The following KCNAB1 variants were observed in gnomAD, a reference collection of about 807,000 sequenced individuals.
The protein encoded by KCNAB1 is voltage-gated potassium channel subunit beta-1.
A neutral mutation model predicts 64.6 loss-of-function variants in KCNAB1; 35 were observed. The observed-to-expected ratio is 0.54, with a 90% CI of 0.41 to 0.72. The LOEUF (loss-of-function observed/expected upper bound fraction) is 0.72, where lower values mean the gene tolerates loss of function less well. KCNAB1 is among the 30% of genes least tolerant of loss of function. The pLI, the probability that KCNAB1 is intolerant of heterozygous loss-of-function variation, is 0.00. For synonymous variants in KCNAB1, 177 were observed against 183.8 expected (o/e 0.96, Z 0.30); for missense variants, 401 against 512.9 (o/e 0.78, Z 2.11).
At chr3:156,378,996 T>G (rs1310550162) in intron 1 of KCNAB1, among the ~76,000 whole-genome samples, 1 of 152,152 alleles carries the variant, frequency 6.6e-6, no homozygotes, top group African/African-American at 2.4e-5. Context: ...CCCAGAGCTG[T>G]GGGGGCTCTT....
At chr3:156,385,442 GAAAA>G (rs58847115) in intron 1 of KCNAB1, among the ~76,000 whole-genome samples, 2 of 134,788 alleles carry the variant, frequency 1.5e-5, no homozygotes, top group Non-Finnish European at 3.3e-5. Flanking sequence ...TTGGATGGAA[GAAAA>G]AAAAAAAAGC....
intron 11 of KCNAB1, among the ~76,000 whole-genome samples, chr3:156,518,251 G>C (rs887070117): frequency 6.6e-6 from 1 of 152,206 alleles, no homozygotes; most frequent in Non-Finnish European, 1.5e-5. Flanking sequence ...GCTCTCAACA[G>C]ATGAAAGGTG....
chr3:156,278,445 T>A (rs1176544933), intron 1 of KCNAB1, among the ~76,000 whole-genome samples: 1 of 152,134 alleles, frequency 6.6e-6, no homozygotes. Context: ...ACGAAGTCTA[T>A]TTTTTCCCCC....
At chr3:156,309,764 G>A (rs930888967) in intron 1 of KCNAB1, among the ~76,000 whole-genome samples, 5 of 152,212 alleles carry the variant, frequency 3.3e-5, no homozygotes, top group African/African-American at 7.2e-5. Flanking sequence ...GGCAGTCCTT[G>A]GTCCTGCTGC....
At chr3:156,232,636 A>G (rs1272807268) in intron 1 of KCNAB1, among the ~76,000 whole-genome samples, 7 of 152,268 alleles carry the variant, frequency 4.6e-5, no homozygotes, top group Admixed American at 2.6e-4. Context: ...GTGGATGTCC[A>G]CAAGGCAGAA....
At chr3:156,182,540 C>G (rs1336793660) in intron 1 of KCNAB1, among the ~76,000 whole-genome samples, 7 of 152,024 alleles carry the variant, frequency 4.6e-5, no homozygotes, top group Admixed American at 4.6e-4. Flanking sequence ...CTTCTTCACC[C>G]TTATTTTCCA....
At chr3:156,292,012 A>C (rs1374984655) in intron 1 of KCNAB1, 1 of 1,614,130 alleles carries the variant, frequency 6.2e-7, no homozygotes, top group Non-Finnish European at 8.5e-7. Flanking sequence ...TGGTGAACGC[A>C]GCCCGGGCCA....
chr3:156,377,935 A>G (rs571191029), intron 1 of KCNAB1, among the ~76,000 whole-genome samples: 1 of 152,288 alleles, frequency 6.6e-6, no homozygotes, highest in South Asian at 2.1e-4. Context: ...ATAGTGTCAC[A>G]TGCAGAGAGA....
intron 2 of KCNAB1, among the ~76,000 whole-genome samples, chr3:156,424,306 T>A (rs116827800): frequency 0.013 from 2,024 of 152,276 alleles, 20 homozygotes; most frequent in South Asian, 0.033. Flanking sequence ...GAAGGGGTAT[T>A]TCAAAGATAC....
chr3:156,370,871 G>A (rs1726258504), intron 1 of KCNAB1, among the ~76,000 whole-genome samples: 1 of 152,200 alleles, frequency 6.6e-6, no homozygotes, highest in South Asian at 2.1e-4. Context: ...ACATGGAAAC[G>A]ATCCAGTGGC....
chr3:156,146,303 C>G (rs1229261446), intron 1 of KCNAB1, among the ~76,000 whole-genome samples: 1 of 152,086 alleles, frequency 6.6e-6, no homozygotes, highest in Non-Finnish European at 1.5e-5. Context: ...TTCATTTTAT[C>G]AGTGACTATA....
intron 1 of KCNAB1, among the ~76,000 whole-genome samples, chr3:156,292,653 T>G (rs553234979): frequency 1.9e-4 from 29 of 152,316 alleles, no homozygotes; most frequent in African/African-American, 6.7e-4. Flanking sequence ...GCGATTCTCC[T>G]GCCTTAACCT....
At chr3:156,302,314 G>A (rs995062774) in intron 1 of KCNAB1, among the ~76,000 whole-genome samples, 1 of 152,062 alleles carries the variant, frequency 6.6e-6, no homozygotes, top group Admixed American at 6.6e-5. Context: ...TTTTACCATA[G>A]AAGGTAATAT....
chr3:156,345,922 A>G (rs1724452853), intron 1 of KCNAB1, among the ~76,000 whole-genome samples: 1 of 152,188 alleles, frequency 6.6e-6, no homozygotes, highest in African/African-American at 2.4e-5. Context: ...CTGAATTGAA[A>G]TAAATACAAT....
At chr3:156,362,855 G>A (rs1410678576) in intron 1 of KCNAB1, among the ~76,000 whole-genome samples, 2 of 152,102 alleles carry the variant, frequency 1.3e-5, no homozygotes, top group Non-Finnish European at 2.9e-5. Flanking sequence ...TCTTCTATTG[G>A]TAAATTCATT....
chr3:156,234,005 T>A (rs1716699753), intron 1 of KCNAB1, among the ~76,000 whole-genome samples: 2 of 151,898 alleles, frequency 1.3e-5, no homozygotes, highest in African/African-American at 4.8e-5. Context: ...TTCTAGAGTT[T>A]ACGAGAGACA....
chr3:156,507,911 T>C (rs1206965436), intron 8 of KCNAB1, among the ~76,000 whole-genome samples: 2 of 152,198 alleles, frequency 1.3e-5, no homozygotes, highest in Non-Finnish European at 2.9e-5. Context: ...ATAGCAATTT[T>C]ATTTGGTTAA....
At chr3:156,365,347 A>G (rs541277341) in intron 1 of KCNAB1, among the ~76,000 whole-genome samples, 6 of 152,318 alleles carry the variant, frequency 3.9e-5, no homozygotes, top group East Asian at 1.9e-4. Flanking sequence ...ATAACTGTCA[A>G]TAGTGTTAAT....
chr3:156,178,790 A>G (rs1160595237), intron 1 of KCNAB1, among the ~76,000 whole-genome samples: 3 of 152,064 alleles, frequency 2.0e-5, no homozygotes, highest in Non-Finnish European at 2.9e-5. Flanking sequence ...TCACGAGGTC[A>G]GGAGATCGAG....
Sources: gnomAD v4.1 joint callset for allele counts (sites outside exome capture counted in the v4.1 genomes callset) on GRCh38, gnomAD v4.1.1 for gene constraint, MANE v1.5 for transcripts, NCBI Gene and HGNC (gene_info 2026-07-23, HGNC 2026-07-21) for gene names.